Variants in RABGAP1L observed in about 807,000 individuals in gnomAD.
RABGAP1L encodes the protein rab GTPase-activating protein 1-like.
In RABGAP1L, 63 loss-of-function variants were observed where a neutral mutation model predicts 137.7. The observed-to-expected ratio is 0.46, with a 90% confidence interval of 0.37 to 0.56. RABGAP1L has a LOEUF of 0.56. RABGAP1L is among the 20% of genes least tolerant of loss of function. The pLI is 0.00. For missense variants in RABGAP1L, 1,095 were observed against 1,244.0 expected (o/e 0.88, Z 1.80); for synonymous variants, 431 against 433.7 (o/e 0.99, Z 0.08).
intron 13 of RABGAP1L, among the ~76,000 whole-genome samples, chr1:174,434,101 G>GTACACA (rs1282233361): frequency 9.9e-5 from 11 of 111,400 alleles, no homozygotes; most frequent in African/African-American, 4.7e-4. Flanking sequence ...GCGCATGCGT[G>GTACACA]TACACATACA....
chr1:174,660,623 C>T (rs1572715818), intron 14 of RABGAP1L, among the ~76,000 whole-genome samples: 2 of 152,332 alleles, frequency 1.3e-5, no homozygotes, highest in Middle Eastern at 6.8e-3. Flanking sequence ...GTAAACTCCA[C>T]ATATGACTAT....
intron 10 of RABGAP1L, among the ~76,000 whole-genome samples, chr1:174,302,557 C>G (rs1347979417): frequency 6.6e-6 from 1 of 152,198 alleles, no homozygotes; most frequent in African/African-American, 2.4e-5. Context: ...CACATGCCAA[C>G]TTCCTGTTTT....
At chr1:174,385,092 G>A (rs183451321) in intron 12 of RABGAP1L, among the ~76,000 whole-genome samples, 5 of 152,158 alleles carry the variant, frequency 3.3e-5, no homozygotes, top group Non-Finnish European at 7.4e-5. Context: ...GTGAAAAATG[G>A]ATTATAAGGG....
chr1:174,825,019 A>C (rs1691428872), intron 19 of RABGAP1L, among the ~76,000 whole-genome samples: 2 of 152,190 alleles, frequency 1.3e-5, no homozygotes, highest in Admixed American at 1.3e-4. Context: ...TTCTTTTCTC[A>C]TTGCCAAACC....
chr1:174,524,103 A>G (rs1663665232), intron 13 of RABGAP1L, among the ~76,000 whole-genome samples: 1 of 152,190 alleles, frequency 6.6e-6, no homozygotes, highest in South Asian at 2.1e-4. Flanking sequence ...ATGCAAGTAC[A>G]GGTATCCCTT....
At chr1:174,185,488 C>T (rs1378448117) in intron 1 of RABGAP1L, among the ~76,000 whole-genome samples, 1 of 151,926 alleles carries the variant, frequency 6.6e-6, no homozygotes, top group Non-Finnish European at 1.5e-5. Flanking sequence ...TTGAAATTTT[C>T]TCCTTTATTT....
chr1:174,278,535 T>C, intron 9 of RABGAP1L, 78 bp from the exon 10 acceptor site: 1 of 1,148,616 alleles, frequency 8.7e-7, no homozygotes. Context: ...TTTAATTCTT[T>C]CATAAGTGAG....
intron 19 of RABGAP1L, among the ~76,000 whole-genome samples, chr1:174,920,805 C>T (rs978292948): frequency 3.3e-5 from 5 of 152,130 alleles, no homozygotes; most frequent in Admixed American, 2.0e-4. Flanking sequence ...CTACAAGCCA[C>T]GAATTGAGCC....
At chr1:174,708,688 C>T (rs1283922771) in intron 17 of RABGAP1L, among the ~76,000 whole-genome samples, 1 of 152,174 alleles carries the variant, frequency 6.6e-6, no homozygotes, top group Non-Finnish European at 1.5e-5. Flanking sequence ...ACCACCAGGG[C>T]CCTGAGTTTC....
chr1:174,555,016 C>G (rs1488494501), intron 13 of RABGAP1L, among the ~76,000 whole-genome samples: 2 of 108,042 alleles, frequency 1.9e-5, no homozygotes, highest in East Asian at 4.3e-4. Context: ...AAAAGGATGG[C>G]TCATCTGACA....
At chr1:174,938,851 T>C (rs1325948170) in intron 19 of RABGAP1L, among the ~76,000 whole-genome samples, 1 of 152,170 alleles carries the variant, frequency 6.6e-6, no homozygotes, top group Non-Finnish European at 1.5e-5. Context: ...AGGGTTGAAA[T>C]ACACATTTTC....
At chr1:174,497,736 G>T (rs1430572178) in intron 13 of RABGAP1L, among the ~76,000 whole-genome samples, 1 of 152,180 alleles carries the variant, frequency 6.6e-6, no homozygotes, top group Non-Finnish European at 1.5e-5. Context: ...GTCCAACAAA[G>T]ACTGCTTATA....
chr1:174,916,535 T>C (rs1490825888), intron 19 of RABGAP1L, among the ~76,000 whole-genome samples: 1 of 152,188 alleles, frequency 6.6e-6, no homozygotes, highest in Non-Finnish European at 1.5e-5. Flanking sequence ...AAATATGAAG[T>C]TTTTTTGTAT....
At chr1:174,328,599 G>C (rs998853493) in intron 11 of RABGAP1L, among the ~76,000 whole-genome samples, 9 of 152,092 alleles carry the variant, frequency 5.9e-5, no homozygotes, top group African/African-American at 2.2e-4. Flanking sequence ...GTGAAATCCC[G>C]TCTCTACTAA....
intron 19 of RABGAP1L, among the ~76,000 whole-genome samples, chr1:174,906,893 G>A (rs1194904752): frequency 1.6e-5 from 2 of 125,982 alleles, no homozygotes; most frequent in East Asian, 3.9e-4. Context: ...TTTTCAAAGT[G>A]CTCAAAGAAA....
intron 18 of RABGAP1L, among the ~76,000 whole-genome samples, chr1:174,792,537 A>T (rs1301145281): frequency 6.6e-6 from 1 of 152,246 alleles, no homozygotes; most frequent in East Asian, 1.9e-4. Context: ...TAACCACAAA[A>T]GGAAAAACAA....
intron 14 of RABGAP1L, among the ~76,000 whole-genome samples, chr1:174,675,155 T>G (rs575988497): frequency 1.3e-5 from 2 of 152,216 alleles, no homozygotes; most frequent in African/African-American, 4.8e-5. Flanking sequence ...AGACATGAAG[T>G]CTTTGCCCAT....
intron 18 of RABGAP1L, chr1:174,800,140 T>C (rs1401852559): frequency 1.5e-6 from 2 of 1,377,504 alleles, no homozygotes; most frequent in Non-Finnish European, 9.3e-7. Context: ...TTTTCCAGTC[T>C]ACTTTGGGGT....
At chr1:174,812,993 G>A (rs573862083) in intron 19 of RABGAP1L, among the ~76,000 whole-genome samples, 97 of 152,316 alleles carry the variant, frequency 6.4e-4, no homozygotes, top group African/African-American at 2.2e-3. Flanking sequence ...AATGGGAGTA[G>A]TAGGAATGCT....
Sources: gnomAD v4.1 joint callset for allele counts (sites outside exome capture counted in the v4.1 genomes callset) on GRCh38, gnomAD v4.1.1 for gene constraint, MANE v1.5 for transcripts, NCBI Gene and HGNC (gene_info 2026-07-23, HGNC 2026-07-21) for gene names.